NEGR1: variants seen among roughly 807,000 people sequenced by gnomAD.
NEGR1 encodes the protein IgLON family member 4.
A neutral mutation model predicts 40.9 loss-of-function variants in NEGR1; 10 were observed. That is an observed-to-expected ratio of 0.24 (90% CI 0.15 to 0.42). The LOEUF (loss-of-function observed/expected upper bound fraction) is 0.42, where lower values mean the gene tolerates loss of function less well. Among genes scored for constraint, NEGR1 ranks in the 10% least tolerant of loss-of-function variants. The pLI is 1.00. For synonymous variants in NEGR1, 185 were observed against 166.8 expected (o/e 1.11, Z -0.84); for missense variants, 352 against 438.9 (o/e 0.80, Z 1.77).
chr1:72,171,605 T>G (rs140000480), intron 1 of NEGR1, among the ~76,000 whole-genome samples: 401 of 152,304 alleles, frequency 2.6e-3, no homozygotes, highest in African/African-American at 8.8e-3. Flanking sequence ...CTTTGTCTTT[T>G]TTGCCATAAA....
intron 4 of NEGR1, among the ~76,000 whole-genome samples, chr1:71,682,137 T>A (rs1043877699): frequency 1.3e-5 from 2 of 152,174 alleles, no homozygotes; most frequent in Non-Finnish European, 1.5e-5. Flanking sequence ...ACATTCCATA[T>A]AATTTTGTAA....
intron 1 of NEGR1, among the ~76,000 whole-genome samples, chr1:71,962,268 A>T (rs909106111): frequency 6.6e-6 from 1 of 152,056 alleles, no homozygotes; most frequent in Non-Finnish European, 1.5e-5. Context: ...AAATCAAAAA[A>T]CATGATTTCT....
chr1:71,679,495 A>C (rs995568358), intron 4 of NEGR1, among the ~76,000 whole-genome samples: 6 of 152,136 alleles, frequency 3.9e-5, no homozygotes, highest in African/African-American at 1.4e-4. Flanking sequence ...TAAATGTAAA[A>C]ATTATAATTT....
chr1:71,668,715 A>T (rs545759373), intron 4 of NEGR1, among the ~76,000 whole-genome samples: 3 of 152,202 alleles, frequency 2.0e-5, no homozygotes, highest in Non-Finnish European at 4.4e-5. Context: ...CCAGGAAAAG[A>T]ACAAAAAATG....
At chr1:72,102,282 C>T (rs945598734) in intron 1 of NEGR1, among the ~76,000 whole-genome samples, 3 of 151,970 alleles carry the variant, frequency 2.0e-5, no homozygotes, top group African/African-American at 7.2e-5. Flanking sequence ...CCAACCCCCC[C>T]ATAATTCAAT....
At chr1:72,110,489 T>C (rs963484146) in intron 1 of NEGR1, among the ~76,000 whole-genome samples, 2 of 151,592 alleles carry the variant, frequency 1.3e-5, no homozygotes, top group African/African-American at 4.8e-5. Flanking sequence ...CCATGGTAAT[T>C]ATCTGCTCTC....
At chr1:71,896,347 A>T (rs1660973568) in intron 2 of NEGR1, among the ~76,000 whole-genome samples, 1 of 152,094 alleles carries the variant, frequency 6.6e-6, no homozygotes. Context: ...TATATAGTTT[A>T]TTTGGGGAAT....
chr1:72,028,114 A>G (rs1237267223), intron 1 of NEGR1, among the ~76,000 whole-genome samples: 1 of 152,220 alleles, frequency 6.6e-6, no homozygotes, highest in African/African-American at 2.4e-5. Context: ...CTAACCAATT[A>G]TCTTGAAGTC....
chr1:72,271,508 A>G (rs958279385), intron 1 of NEGR1, among the ~76,000 whole-genome samples: 32 of 152,008 alleles, frequency 2.1e-4, no homozygotes, highest in African/African-American at 7.7e-4. Context: ...CCTTCTGTGA[A>G]CTTATTCCAA....
At chr1:71,883,098 G>A (rs571814758) in intron 2 of NEGR1, among the ~76,000 whole-genome samples, 2 of 151,660 alleles carry the variant, frequency 1.3e-5, no homozygotes, top group Non-Finnish European at 2.9e-5. Context: ...AAATCTTTTG[G>A]GGCCTCAGTT....
intron 1 of NEGR1, among the ~76,000 whole-genome samples, chr1:72,182,355 A>G (rs1303743353): frequency 6.6e-6 from 1 of 152,018 alleles, no homozygotes; most frequent in African/African-American, 2.4e-5. Context: ...TTAGCTGGCC[A>G]TGGAGGCACA....
chr1:71,642,490 A>T (rs530636174), intron 4 of NEGR1, among the ~76,000 whole-genome samples: 1 of 152,068 alleles, frequency 6.6e-6, no homozygotes, highest in South Asian at 2.1e-4. Context: ...TCAACTTTGT[A>T]AGCCCTTGCT....
chr1:71,784,815 C>T (rs1354052366), intron 2 of NEGR1, among the ~76,000 whole-genome samples: 1 of 152,170 alleles, frequency 6.6e-6, no homozygotes, highest in Non-Finnish European at 1.5e-5. Context: ...GTTTAGTATA[C>T]ATGAAAATTA....
At chr1:72,198,621 T>C (rs902003008) in intron 1 of NEGR1, among the ~76,000 whole-genome samples, 5 of 152,044 alleles carry the variant, frequency 3.3e-5, no homozygotes, top group Admixed American at 3.3e-4. Context: ...TTTTTTCTGA[T>C]TTATAATACT....
intron 6 of NEGR1, among the ~76,000 whole-genome samples, chr1:71,495,395 T>A (rs1453001411): frequency 6.6e-6 from 1 of 151,366 alleles, no homozygotes; most frequent in African/African-American, 2.4e-5. Flanking sequence ...GGGAATCACT[T>A]GAACCTGGGA....
chr1:72,091,325 TCCA>T (rs1269217447), intron 1 of NEGR1, among the ~76,000 whole-genome samples: 8 of 151,794 alleles, frequency 5.3e-5, no homozygotes, highest in African/African-American at 1.9e-4. Context: ...TTTTTCTTCC[TCCA>T]CCACTCTTTT....
intron 1 of NEGR1, among the ~76,000 whole-genome samples, chr1:72,239,080 A>C (rs1654652132): frequency 6.6e-6 from 1 of 151,886 alleles, no homozygotes; most frequent in Non-Finnish European, 1.5e-5. Flanking sequence ...TTTGGGTCAA[A>C]GAAGTGGTCC....
At chr1:72,097,014 G>T (rs1249189857) in intron 1 of NEGR1, among the ~76,000 whole-genome samples, 1 of 152,042 alleles carries the variant, frequency 6.6e-6, no homozygotes, top group East Asian at 1.9e-4. Context: ...CATGTAACTA[G>T]ATAAATATTT....
chr1:71,839,108 T>C (rs942767613), intron 2 of NEGR1, among the ~76,000 whole-genome samples: 1 of 143,080 alleles, frequency 7.0e-6, no homozygotes, highest in Non-Finnish European at 1.5e-5. Context: ...CAGACACTCA[T>C]CCAATAGAAA....
Sources: allele counts gnomAD v4.1 joint callset (sites outside exome capture counted in the v4.1 genomes callset), GRCh38; gene constraint gnomAD v4.1.1; transcripts MANE v1.5; gene names NCBI Gene and HGNC (gene_info 2026-07-23, HGNC 2026-07-21).